Variants in ABCA6 observed in about 807,000 individuals in gnomAD.
ABCA6 encodes the protein ATP-binding cassette sub-family A member 6.
ABCA6 carries 164 observed loss-of-function variants against 191.2 expected under a neutral mutation model. The ratio of observed to expected loss-of-function variants is 0.86; its 90% confidence interval spans 0.76 to 0.98. The LOEUF is 0.98. Ranked by LOEUF, ABCA6 falls within the 50% of genes least tolerant of loss-of-function variation. The pLI, the probability that ABCA6 is intolerant of heterozygous loss-of-function variation, is 0.00. For synonymous variants in ABCA6, 636 were observed against 647.7 expected (o/e 0.98, Z 0.27); for missense variants, 1,958 against 1,894.1 (o/e 1.03, Z -0.63).
At chr17:69,110,067 T>C (rs779253989) in intron 17 of ABCA6, 2 of 152,216 alleles carry the variant, frequency 1.3e-5, no homozygotes, top group African/African-American at 2.4e-5. Flanking sequence ...CAATGCGTGT[T>C]AAGTGCTTAG....
chr17:69,086,675 A>G lies in ABCA6; in HGVS notation c.3880T>C (p.Phe1294Leu), dbSNP rs1446048799. 1.2e-6 allele frequency: 2 copies of G among 1,613,160 alleles called. No homozygotes were observed. The highest frequency in any genetic ancestry group is 1.7e-6 in the Non-Finnish European group (2 of 1,179,540). ...GCTATTTTCTTCTTCCTCTTTGAAA[A>G]GCAACTTTTCTTCTGGCCTGCATAT... ...KEYAGQKKSC[F>L]SKRKKKIAAR... The change falls in exon 30 of 39, where the codon TTT becomes CTT. Residue 1294 changes from phenylalanine to leucine, a missense_variant. Physicochemically the swap from Phe to Leu is conservative, Grantham distance 22 (BLOSUM62 0). Transcript: ENST00000284425.
rs1278183650 is a variant in ABCA6, at chr17:69,102,869, T to C, written c.2840A>G (p.Tyr947Cys). The C allele has an allele frequency of 1.3e-6, 2 of 1,599,330 alleles. No individual in the cohort carries two copies. The highest frequency in any genetic ancestry group is 1.8e-5 in the Admixed American group (1 of 56,468). The part of the protein sequence containing the change: ...ENRNGTDGLS[Y>C]NGAIIVSGKQ... ...ACCAGAAACTATGATAGCTCCATTG[T>C]ATGAGAGGCCATCAGTACCATTTCT... Residue 947 changes from tyrosine (Y) to cysteine (C), a missense_variant, in exon 21 of 39, where the codon TAC (tyrosine) becomes TGC (cysteine). By Grantham distance (194) the Tyr-to-Cys change is radical. Transcript: ENST00000284425.
intron 15 of ABCA6, 62 bp from the exon 16 acceptor site, chr17:69,112,335 G>T: frequency 7.6e-7 from 1 of 1,310,806 alleles, no homozygotes; most frequent in Non-Finnish European, 1.1e-6. Flanking sequence ...CTCTAGTAAA[G>T]AAAGACGAGG....
At chr17:69,100,980 G>A in intron 21 of ABCA6, 46 bp from the exon 22 acceptor site, 1 of 1,481,538 alleles carries the variant, frequency 6.7e-7, no homozygotes, top group Non-Finnish European at 9.2e-7. Flanking sequence ...AATTCTTAAA[G>A]AACAAAGGCA....
intron 17 of ABCA6, chr17:69,108,225 C>T (rs936301656): frequency 3.7e-5 from 6 of 163,034 alleles, no homozygotes; most frequent in African/African-American, 1.4e-4. Flanking sequence ...ATAACACAAC[C>T]TCTGAGGCTC....
Position 69,106,063 on chromosome 17 carries a change from T to G in ABCA6, c.2538A>C (p.Leu846Phe). Residue 846 changes from leucine to phenylalanine, a missense_variant, in exon 19 of 39, where the codon TTA (leucine) becomes TTC (phenylalanine). Coordinates refer to ENST00000284425, the MANE Select transcript of ABCA6 (RefSeq NM_080284.3). The stretch of plus-strand genomic sequence containing the variant: ...ACACTTTAGTTTGACGTTTTAACTT[T>G]AAGAAACGGAGCCGTGCCATGGCAA... ...QVFAMARLRF[L>F]KLKRQTKVLL... 5 of 1,613,126 alleles carry G rather than the reference T, an allele frequency of 3.1e-6. No homozygotes were observed. Among genetic ancestry groups the G allele is most frequent in the Non-Finnish European group, 4.2e-6 (5 of 1,179,502 alleles).
In ABCA6 at chr17:69,096,617, G is replaced by C. The variant is rs1360513924; in HGVS notation, c.3294+11C>G. 2 of 1,505,818 alleles carry C rather than the reference G, an allele frequency of 1.3e-6. No homozygotes were observed. The highest frequency in any genetic ancestry group is 2.8e-5 in the South Asian group (2 of 70,598). 93.3% of individuals were successfully genotyped at this position (1,505,818 alleles called of 1,614,324 possible). On this transcript the variant is annotated intron_variant, in intron 24 of 38. Coordinates refer to ENST00000284425, the MANE Select transcript of ABCA6 (RefSeq NM_080284.3). ...CTTTATGAAATTTGGTTTATGTACT[G>C]TGTTACTTACCAAAGCAAACACAAT...
At chr17:69,112,430 T>G in intron 15 of ABCA6, 157 bp from the exon 16 acceptor site, 3 of 560,506 alleles carry the variant, frequency 5.4e-6, no homozygotes, top group Non-Finnish European at 9.5e-6. Context: ...AAATACATAT[T>G]AAAATTGATG....
intron 8 of ABCA6, 41 bp downstream of exon 8, chr17:69,128,578 T>C: frequency 6.6e-7 from 1 of 1,521,724 alleles, no homozygotes; most frequent in Non-Finnish European, 9.0e-7. Flanking sequence ...TATCTACTTC[T>C]TTTGAAATTT....
In ABCA6 at chr17:69,096,299, A is replaced by G; in HGVS notation, c.3349T>C (p.Ser1117Pro). 2.0e-6 allele frequency: 3 copies of G among 1,531,646 alleles called. No homozygotes were observed. The highest frequency in any genetic ancestry group is 2.6e-6 in the Non-Finnish European group (3 of 1,141,084). 94.9% of individuals were successfully genotyped at this position (1,531,646 alleles called of 1,614,324 possible). The change falls in exon 25 of 39, where the codon TCA (serine) becomes CCA (proline). Residue 1117 changes from serine to proline, a missense_variant. By Grantham distance (74) the Ser-to-Pro change is moderately conservative. Transcript: ENST00000284425. Reference sequence around the variant, plus strand: ...TTTCTCCTTTTGCGAAAAATAAATGATATCATATATATGAAGAAGACAAGA... The same window carrying G: ...TTTCTCCTTTTGCGAAAAATAAATGGTATCATATATATGAAGAAGACAAGA... ...ASLVFFIYMISFIFRKRRKNS... is the reference protein window; with the variant it reads ...ASLVFFIYMIPFIFRKRRKNS...
rs1331250891 is a variant in ABCA6, at chr17:69,137,283, T to C, written c.301+13A>G. ...TCTATCAGTAACTCTTTTTTTGCCATGAGTACACCTACCTTTCAAAAGAGG... is the reference window on the plus strand; with the variant it reads ...TCTATCAGTAACTCTTTTTTTGCCACGAGTACACCTACCTTTCAAAAGAGG... On this transcript the variant is annotated intron_variant, in intron 3 of 38. Coordinates refer to ENST00000284425, the MANE Select transcript of ABCA6 (RefSeq NM_080284.3). The C allele has an allele frequency of 1.9e-6, 3 of 1,608,254 alleles. No homozygotes were observed. The highest frequency in any genetic ancestry group is 2.5e-6 in the Non-Finnish European group (3 of 1,178,054).
chr17:69,128,128 C>T (rs763073362), intron 8 of ABCA6, among the ~76,000 whole-genome samples: 14 of 152,108 alleles, frequency 9.2e-5, no homozygotes, highest in South Asian at 2.1e-4. Flanking sequence ...TTTACCTTTA[C>T]GAAGGAGGAG....
At chr17:69,136,606 A>G (rs564559500) in intron 3 of ABCA6, among the ~76,000 whole-genome samples, 4 of 152,332 alleles carry the variant, frequency 2.6e-5, no homozygotes, top group African/African-American at 7.2e-5. Flanking sequence ...TTTCAGATTT[A>G]CTGAAGCAAA....
At chr17:69,113,159 T>G in intron 15 of ABCA6, 63 bp downstream of exon 15, 1 of 1,545,290 alleles carries the variant, frequency 6.5e-7, no homozygotes, top group Admixed American at 2.1e-5. Flanking sequence ...ACCCTGGGAA[T>G]AGACCTCGCT....
At chr17:69,085,491 GA>G in intron 31 of ABCA6, 133 bp downstream of exon 31, 1 of 616,150 alleles carries the variant, frequency 1.6e-6, no homozygotes, top group Non-Finnish European at 2.5e-6. Flanking sequence ...AAAATTTAAA[GA>G]GGGGAAAAAT....
chr17:69,103,870 A>C (rs1437532591), intron 20 of ABCA6: 1 of 151,432 alleles, frequency 6.6e-6, no homozygotes, highest in Non-Finnish European at 1.5e-5. Context: ...ACTGCAGACA[A>C]TAATTTGAGC....
intron 25 of ABCA6, 110 bp from the exon 26 acceptor site, chr17:69,091,372 T>A (rs2072918063): frequency 8.4e-7 from 1 of 1,187,232 alleles, no homozygotes; most frequent in Non-Finnish European, 1.2e-6. Context: ...TGTTCCCATA[T>A]GCAGATATAC....
chr17:69,101,088 A>G (rs1486479426), intron 21 of ABCA6, among the ~76,000 whole-genome samples, 154 bp from the exon 22 acceptor site: 1 of 152,212 alleles, frequency 6.6e-6, no homozygotes, highest in Non-Finnish European at 1.5e-5. Context: ...CTCATCTATG[A>G]AAAGGAAATA....
chr17:69,098,701 G>C (rs2073107754), intron 22 of ABCA6: 1 of 146,102 alleles, frequency 6.8e-6, no homozygotes, highest in Admixed American at 6.8e-5. Flanking sequence ...AATATGCTAA[G>C]TGAAATAAAC....
Sources: gnomAD v4.1 joint callset for allele counts (sites outside exome capture counted in the v4.1 genomes callset) on GRCh38, gnomAD v4.1.1 for gene constraint, MANE v1.5 for transcripts, NCBI Gene and HGNC (gene_info 2026-07-23, HGNC 2026-07-21) for gene names.